Variants in VRK2 observed in about 807,000 individuals in gnomAD.
VRK2 encodes VRK serine/threonine kinase 2, also known as serine/threonine-protein kinase VRK2.
A neutral mutation model predicts 57.6 loss-of-function variants in VRK2; 60 were observed. The ratio of observed to expected loss-of-function variants is 1.04; its 90% confidence interval spans 0.85 to 1.29. The LOEUF is 1.29. Among genes scored for constraint, VRK2 ranks in the 50% most tolerant of loss-of-function variants. The pLI, the probability that VRK2 is intolerant of heterozygous loss-of-function variation, is 0.00. For synonymous variants in VRK2, 231 were observed against 199.2 expected (o/e 1.16, Z -1.35); for missense variants, 705 against 588.1 (o/e 1.20, Z -2.06).
intron 8 of VRK2, among the ~76,000 whole-genome samples, chr2:58,124,840 T>C (rs1056008399): frequency 6.6e-6 from 1 of 152,002 alleles, no homozygotes; most frequent in Non-Finnish European, 1.5e-5. Context: ...AATGACTACA[T>C]TTTTTTTCAA....
At chr2:57,947,847 G>A (rs894074692) in intron 1 of VRK2, among the ~76,000 whole-genome samples, 7 of 152,064 alleles carry the variant, frequency 4.6e-5, no homozygotes, top group Admixed American at 1.3e-4. Context: ...TATCATTCTC[G>A]TAACATTCCT....
At chr2:57,959,750 T>C (rs1168258630) in intron 1 of VRK2, among the ~76,000 whole-genome samples, 1 of 152,150 alleles carries the variant, frequency 6.6e-6, no homozygotes, top group Non-Finnish European at 1.5e-5. Context: ...CCAGGCCTTA[T>C]TGGTGAACTG....
intron 12 of VRK2, among the ~76,000 whole-genome samples, chr2:58,149,996 C>CTTTTTTTTTTTTT (rs55783668): frequency 3.7e-5 from 4 of 108,346 alleles, no homozygotes; most frequent in Non-Finnish European, 7.8e-5. Flanking sequence ...TTTTTCTTTT[C>CTTTTTTTTTTTTT]TTTTTTTTTT....
At chr2:58,140,034 C>T (rs546110882) in intron 11 of VRK2, among the ~76,000 whole-genome samples, 11 of 152,110 alleles carry the variant, frequency 7.2e-5, no homozygotes, top group Admixed American at 4.6e-4. Flanking sequence ...GGATCTGTGG[C>T]CTACTATGTA....
intron 1 of VRK2, among the ~76,000 whole-genome samples, chr2:57,908,355 T>C (rs149717355): frequency 2.0e-5 from 3 of 152,308 alleles, no homozygotes; most frequent in Admixed American, 6.5e-5. Flanking sequence ...AATTCTGAAA[T>C]TGGCAGCTGT....
At chr2:58,090,895 C>T (rs1297504068) in intron 7 of VRK2, among the ~76,000 whole-genome samples, 1 of 151,964 alleles carries the variant, frequency 6.6e-6, no homozygotes, top group Non-Finnish European at 1.5e-5. Flanking sequence ...ACTTTTCAGC[C>T]ATGAAAAAAC....
intron 1 of VRK2, among the ~76,000 whole-genome samples, chr2:57,985,835 G>A (rs1195322366): frequency 1.3e-5 from 2 of 151,898 alleles, no homozygotes; most frequent in Non-Finnish European, 2.9e-5. Context: ...AATGCTGCTA[G>A]AACTAACAAG....
intron 2 of VRK2, among the ~76,000 whole-genome samples, chr2:58,064,599 A>C (rs535577108): frequency 6.6e-6 from 1 of 152,130 alleles, no homozygotes; most frequent in Non-Finnish European, 1.5e-5. Context: ...AATTCACACT[A>C]CTTGCTTCAT....
intron 7 of VRK2, among the ~76,000 whole-genome samples, chr2:58,118,260 G>T (rs980116263): frequency 6.6e-6 from 1 of 152,240 alleles, no homozygotes. Flanking sequence ...AAGGGTGAAG[G>T]ACCAAGGCAG....
chr2:58,014,565 CA>C (rs1169754805), intron 1 of VRK2, among the ~76,000 whole-genome samples: 1 of 152,130 alleles, frequency 6.6e-6, no homozygotes, highest in Non-Finnish European at 1.5e-5. Flanking sequence ...TTGAATAATC[CA>C]AAAGACCCAT....
At chr2:58,052,080 G>A (rs1295503916) in intron 2 of VRK2, among the ~76,000 whole-genome samples, 1 of 152,136 alleles carries the variant, frequency 6.6e-6, no homozygotes, top group Non-Finnish European at 1.5e-5. Flanking sequence ...TAAATTACGG[G>A]AGAATTGCAT....
Position 58,048,740 on chromosome 2 carries a change from A to G in VRK2, c.-5-87A>G, listed in dbSNP as rs181584044. 42 of 1,533,604 alleles carry G rather than the reference A, an allele frequency of 2.7e-5. No homozygotes were observed. In the Admixed American group the frequency reaches 8.5e-4, roughly 31 times the overall value. 95.0% of individuals were successfully genotyped at this position (1,533,604 alleles called of 1,614,324 possible). A position where few individuals can be genotyped will look rare whatever the true frequency, so the allele number is the denominator to read the frequency against. On this transcript the variant is annotated intron_variant, in intron 1 of 12. Coordinates refer to ENST00000340157, the MANE Select transcript of VRK2 (RefSeq NM_006296.7). ...TTCTGGGAACCTGGGAAAGTTCCCT[A>G]TTGAAGACATTTTGGGAAGTGTATT...
intron 1 of VRK2, among the ~76,000 whole-genome samples, chr2:57,965,569 G>A (rs1047334707): frequency 2.0e-5 from 3 of 151,902 alleles, no homozygotes; most frequent in African/African-American, 7.3e-5. Context: ...TGCTTCTCAG[G>A]TTTCTTGATA....
chr2:57,974,465 A>C (rs1672187510), intron 1 of VRK2, among the ~76,000 whole-genome samples: 1 of 151,890 alleles, frequency 6.6e-6, no homozygotes, highest in Non-Finnish European at 1.5e-5. Context: ...TAAATTCAAA[A>C]AGGCAGACAG....
chr2:58,050,683 A>G (rs558629694), intron 2 of VRK2, among the ~76,000 whole-genome samples: 1 of 152,354 alleles, frequency 6.6e-6, no homozygotes, highest in African/African-American at 2.4e-5. Flanking sequence ...TTAAGATTAA[A>G]TAGTGTATGT....
intron 10 of VRK2, among the ~76,000 whole-genome samples, chr2:58,139,409 G>A (rs1006704839): frequency 2.6e-5 from 4 of 151,964 alleles, no homozygotes; most frequent in African/African-American, 9.7e-5. Context: ...CCTCTCATAA[G>A]ATCAGTGAAT....
At chr2:58,091,442 A>G (rs1672364348) in intron 7 of VRK2, among the ~76,000 whole-genome samples, 1 of 152,016 alleles carries the variant, frequency 6.6e-6, no homozygotes, top group Non-Finnish European at 1.5e-5. Context: ...TAATATTAAA[A>G]TATTAATATT....
chr2:58,098,534 A>G (rs1673489956), intron 7 of VRK2, among the ~76,000 whole-genome samples: 1 of 152,034 alleles, frequency 6.6e-6, no homozygotes, highest in Non-Finnish European at 1.5e-5. Flanking sequence ...ATGTTTAGAT[A>G]TATTTAGATA....
chr2:58,077,062 G>A (rs1019954053), intron 2 of VRK2, among the ~76,000 whole-genome samples: 9 of 151,496 alleles, frequency 5.9e-5, no homozygotes, highest in Non-Finnish European at 1.3e-4. Flanking sequence ...GTCCTTTTTT[G>A]GTTCAAAATC....
Sources: allele counts gnomAD v4.1 joint callset (sites outside exome capture counted in the v4.1 genomes callset), GRCh38; gene constraint gnomAD v4.1.1; transcripts MANE v1.5; gene names NCBI Gene and HGNC (gene_info 2026-07-23, HGNC 2026-07-21).